Variants in TANC2 observed in about 807,000 individuals in gnomAD.
TANC2 encodes protein TANC2.
TANC2 carries 26 observed loss-of-function variants against 210.5 expected under a neutral mutation model. The observed-to-expected ratio is 0.12, with a 90% confidence interval of 0.09 to 0.17. TANC2 has a LOEUF of 0.17. TANC2 is among the 10% of genes least tolerant of loss of function. The probability of loss-of-function intolerance (pLI) is 1.00; values close to 1 mark genes in which losing one functional copy is unlikely to be tolerated. For synonymous variants in TANC2, 931 were observed against 967.1 expected, an observed-to-expected ratio of 0.96 and a Z score of 0.69; for missense variants, 2,129 against 2,608.9, an observed-to-expected ratio of 0.82 and a Z score of 4.01.
chr17:63,319,027 C>T (rs781655098), exon 11 of TANC2: 2 of 1,613,756 alleles, frequency 1.2e-6, no homozygotes, highest in South Asian at 2.2e-5. Flanking sequence ...CCAGTGGAAG[C>T]TGCCCAGGAA....
intron 2 of TANC2, among the ~76,000 whole-genome samples, chr17:63,046,953 G>T (rs1177125584): frequency 1.3e-5 from 2 of 152,016 alleles, no homozygotes; most frequent in Admixed American, 6.6e-5. Flanking sequence ...TTTTTTCTTG[G>T]AAGTGAAATG....
chr17:63,348,231 A>G (rs1250922559), intron 12 of TANC2, among the ~76,000 whole-genome samples: 2 of 152,350 alleles, frequency 1.3e-5, no homozygotes, highest in East Asian at 1.9e-4. Context: ...TTCTGACTTC[A>G]GTACTAGCTA....
chr17:63,044,383 A>AT (rs1221557229), intron 2 of TANC2, among the ~76,000 whole-genome samples: 14 of 152,154 alleles, frequency 9.2e-5, no homozygotes, highest in African/African-American at 3.1e-4. Flanking sequence ...TCATTCTGCA[A>AT]CTTGCTTTTT....
At chr17:63,223,474 G>T (rs1420805403) in intron 7 of TANC2, among the ~76,000 whole-genome samples, 2 of 152,184 alleles carry the variant, frequency 1.3e-5, no homozygotes, top group African/African-American at 4.8e-5. Flanking sequence ...GAGCACAGCA[G>T]CAGTGTATGG....
At chr17:63,018,769 T>G (rs1386978040) in intron 2 of TANC2, among the ~76,000 whole-genome samples, 1 of 152,240 alleles carries the variant, frequency 6.6e-6, no homozygotes, top group Non-Finnish European at 1.5e-5. Context: ...TTGAAAAATT[T>G]TATCACTTCA....
chr17:63,376,098 A>T (rs1045999819), intron 14 of TANC2, among the ~76,000 whole-genome samples: 1 of 151,986 alleles, frequency 6.6e-6, no homozygotes, highest in African/African-American at 2.4e-5. Context: ...AAAAGAAAAA[A>T]ATAAAATAAC....
intron 17 of TANC2, among the ~76,000 whole-genome samples, chr17:63,394,516 A>G (rs1030220349): frequency 5.9e-5 from 9 of 152,176 alleles, no homozygotes; most frequent in East Asian, 5.8e-4. Context: ...AAAACACTCA[A>G]TGACTTCACT....
At chr17:63,048,652 G>A (rs145483518) in intron 2 of TANC2, among the ~76,000 whole-genome samples, 20 of 152,188 alleles carry the variant, frequency 1.3e-4, no homozygotes, top group Middle Eastern at 3.4e-3. Context: ...ATTTTGCTCC[G>A]TTGGAGCTGG....
At chr17:63,375,834 A>G (rs1203867081) in intron 14 of TANC2, among the ~76,000 whole-genome samples, 1 of 152,234 alleles carries the variant, frequency 6.6e-6, no homozygotes, top group African/African-American at 2.4e-5. Flanking sequence ...TCATGCTTGT[A>G]ATCCCAGCAT....
chr17:63,076,276 A>G (rs573098040), intron 3 of TANC2, among the ~76,000 whole-genome samples: 243 of 152,292 alleles, frequency 1.6e-3, no homozygotes, highest in African/African-American at 5.6e-3. Flanking sequence ...GACACCAGGC[A>G]TAGTTGAGGG....
chr17:63,376,056 C>T (rs1256167747), intron 14 of TANC2, among the ~76,000 whole-genome samples: 1 of 152,050 alleles, frequency 6.6e-6, no homozygotes, highest in Non-Finnish European at 1.5e-5. Context: ...CACTGCACTC[C>T]AGCCTGGGTG....
intron 9 of TANC2, chr17:63,313,598 A>T (rs188135086): frequency 9.8e-5 from 15 of 152,308 alleles, no homozygotes; most frequent in Admixed American, 7.2e-4. Context: ...GCCAAAAATT[A>T]TTTTTTAATT....
intron 18 of TANC2, chr17:63,396,400 C>A: frequency 6.1e-6 from 1 of 164,760 alleles, no homozygotes; most frequent in Non-Finnish European, 1.3e-5. Context: ...CTAATAAACT[C>A]CTTTATACAA....
rs558586746 is a variant in TANC2 at position 63,295,120 on chromosome 17, T to C, written c.1160-19268T>C. Among the ~76,000 whole-genome samples, 8 of 152,306 alleles carry C rather than the reference T, an allele frequency of 5.3e-5. No homozygotes were observed. The South Asian group carries it at 1.5e-3, about 28-fold the overall frequency. ...GAGTACATAGAAAGTAGGGCTTTCT[T>C]TTATCATATTGATCTGATAAAAGCC... On this transcript the variant is annotated intron_variant, in intron 9 of 27. Coordinates refer to ENST00000689528, the Ensembl canonical transcript of TANC2.
At chr17:63,218,479 G>C (rs1315931823) in intron 7 of TANC2, among the ~76,000 whole-genome samples, 1 of 152,032 alleles carries the variant, frequency 6.6e-6, no homozygotes, top group Admixed American at 6.6e-5. Flanking sequence ...AGTGAAATAA[G>C]ATGAATAAAG....
intron 7 of TANC2, among the ~76,000 whole-genome samples, chr17:63,216,333 G>A (rs964496198): frequency 6.6e-6 from 1 of 152,206 alleles, no homozygotes; most frequent in African/African-American, 2.4e-5. Context: ...ACAGGCCTGA[G>A]CCACCATGCC....
At chr17:63,318,803 G>T (rs528005730) in intron 10 of TANC2, among the ~76,000 whole-genome samples, 154 bp from the exon 11 acceptor site, 1 of 152,152 alleles carries the variant, frequency 6.6e-6, no homozygotes, top group African/African-American at 2.4e-5. Context: ...GTGAACACTT[G>T]TGTACAAGTT....
At chr17:63,046,325 C>CTTTTTTTTTTTTTTTTTTTTTTTTTTTTT (rs57550590) in intron 2 of TANC2, among the ~76,000 whole-genome samples, 2 of 44,142 alleles carry the variant, frequency 4.5e-5, no homozygotes, top group Non-Finnish European at 7.4e-5. Flanking sequence ...ACACCCAGCT[C>CTTTTTTTTTTTTTTTTTTTTTTTTTTTTT]TTTTTTTTTT....
chr17:63,322,066 T>C (rs1230300655), intron 11 of TANC2, among the ~76,000 whole-genome samples: 3 of 152,322 alleles, frequency 2.0e-5, no homozygotes, highest in South Asian at 2.1e-4. Flanking sequence ...AGATACATTA[T>C]TAATTATTCC....
Sources: gnomAD v4.1 joint callset for allele counts (sites outside exome capture counted in the v4.1 genomes callset) on GRCh38, gnomAD v4.1.1 for gene constraint, MANE v1.5 for transcripts, NCBI Gene and HGNC (gene_info 2026-07-23, HGNC 2026-07-21) for gene names.